GUCY2F: variants seen among roughly 807,000 people sequenced by gnomAD.
GUCY2F encodes guanylate cyclase 2F, retinal, also known as retinal guanylyl cyclase 2.
GUCY2F carries 61 observed loss-of-function variants against 73.1 expected under a neutral mutation model. That is an observed-to-expected ratio of 0.83 (90% CI 0.68 to 1.03). GUCY2F has a LOEUF of 1.03. Among genes scored for constraint, GUCY2F ranks in the 50% least tolerant of loss-of-function variants. GUCY2F has a pLI of 0.00. For synonymous variants in GUCY2F, 331 were observed against 307.8 expected (o/e 1.08, Z -0.79); for missense variants, 912 against 854.3 (o/e 1.07, Z -0.84).
At chrX:109,403,055 T>G (rs1026017899) in intron 10 of GUCY2F, among the ~76,000 whole-genome samples, 2 of 112,435 alleles carry the variant, frequency 1.8e-5, no homozygotes, top group Non-Finnish European at 3.8e-5. Flanking sequence ...TCTATCTTTT[T>G]TTGGGCTGTT....
At position 109,388,472 on chromosome X, in the gene GUCY2F, C is replaced by T; in HGVS notation, c.2956+17G>A. 1 of 1,164,622 alleles carries T rather than the reference C, an allele frequency of 8.6e-7. No homozygotes were observed. Among genetic ancestry groups the T allele is most frequent in the South Asian group, 1.8e-5 (1 of 54,593 alleles). ...AGGCGCATTAGAATGTTTCCTCTTA[C>T]TTTAACTGGTTATTACCTGAGTGAA... On this transcript the variant is annotated intron_variant, in intron 15 of 19. Transcript: ENST00000218006.
At chrX:109,453,925 A>C (rs1302480916) in intron 3 of GUCY2F, 66 bp from the exon 4 acceptor site, 9 of 594,132 alleles carry the variant, frequency 1.5e-5, no homozygotes, top group African/African-American at 2.3e-5. Context: ...AGTATATTCC[A>C]AGCCTGTGTT....
At chrX:109,395,538 C>A (rs753597897) in intron 11 of GUCY2F, 49 bp from the exon 12 acceptor site, 54 of 1,098,172 alleles carry the variant, frequency 4.9e-5, no homozygotes, top group Non-Finnish European at 6.2e-5. Context: ...GAAAAAATGA[C>A]CAAGATTTGG....
intron 17 of GUCY2F, among the ~76,000 whole-genome samples, chrX:109,380,988 T>C (rs1930292572): frequency 8.9e-6 from 1 of 111,789 alleles, no homozygotes; most frequent in African/African-American, 3.3e-5. Context: ...GTCCCCAACA[T>C]TTTACTGTCT....
intron 5 of GUCY2F, among the ~76,000 whole-genome samples, chrX:109,450,734 C>A (rs141087298): frequency 0.012 from 1,307 of 112,025 alleles, 22 homozygotes; most frequent in African/African-American, 0.039. Context: ...CTCTGTGCGA[C>A]TTTATCAAAT....
At chrX:109,462,820 A>C (rs944136556) in intron 3 of GUCY2F, among the ~76,000 whole-genome samples, 2 of 112,059 alleles carry the variant, frequency 1.8e-5, no homozygotes, top group African/African-American at 6.5e-5. Flanking sequence ...CATTGGCTAA[A>C]AAGTACAAAA....
chrX:109,460,887 A>G (rs1420756352), intron 3 of GUCY2F, among the ~76,000 whole-genome samples: 1 of 111,927 alleles, frequency 8.9e-6, no homozygotes, highest in Non-Finnish European at 1.9e-5. Flanking sequence ...TTACAGCCTT[A>G]TCAGAAAGTA....
intron 3 of GUCY2F, among the ~76,000 whole-genome samples, chrX:109,461,836 T>G (rs1395300290): frequency 8.9e-6 from 1 of 112,479 alleles, no homozygotes; most frequent in Non-Finnish European, 1.9e-5. Flanking sequence ...GTGTTCTATC[T>G]TGGGTTCAAC....
In GUCY2F at chrX:109,453,526, C is replaced by T. The variant is rs766775773; in HGVS notation, c.1366G>A (p.Glu456Lys). 8.3e-7 allele frequency: 1 copy of T among 1,200,718 alleles called. No individual in the cohort carries two copies. The highest frequency in any genetic ancestry group is 1.1e-6 in the Non-Finnish European group (1 of 887,120). ...PRADAKCWFAEGKICHGGIDP... is the reference protein window; with the variant it reads ...PRADAKCWFAKGKICHGGIDP... Reference sequence around the variant, plus strand: ...TTACCTCCATGGCAGATCTTCCCTTCTGCAAACCAGCATTTTGCATCTGCT... The same window carrying T: ...TTACCTCCATGGCAGATCTTCCCTTTTGCAAACCAGCATTTTGCATCTGCT... Residue 456 changes from glutamate (E) to lysine (K), a missense_variant, in exon 4 of 20, where the codon GAA becomes AAA. Physicochemically the swap from Glu to Lys is moderately conservative, Grantham distance 56 (BLOSUM62 1). Transcript: ENST00000218006.
intron 16 of GUCY2F, among the ~76,000 whole-genome samples, 196 bp from the exon 17 acceptor site, chrX:109,382,408 G>A (rs963179758): frequency 8.9e-6 from 1 of 112,324 alleles, no homozygotes; most frequent in Non-Finnish European, 1.9e-5. Flanking sequence ...TAAGGCATTA[G>A]TTGTAGCACC....
chrX:109,413,867 T>A (rs997295687), intron 8 of GUCY2F, among the ~76,000 whole-genome samples: 1 of 111,950 alleles, frequency 8.9e-6, no homozygotes, highest in Non-Finnish European at 1.9e-5. Context: ...TATACCTTTA[T>A]GAAAATGTCA....
intron 8 of GUCY2F, among the ~76,000 whole-genome samples, chrX:109,411,160 A>G (rs1258642386): frequency 1.9e-5 from 2 of 108,028 alleles, no homozygotes; most frequent in African/African-American, 6.8e-5. Context: ...GGATGAGGTA[A>G]TAGTGGATAT....
At chrX:109,445,537 G>A (rs1931981619) in intron 6 of GUCY2F, among the ~76,000 whole-genome samples, 1 of 111,832 alleles carries the variant, frequency 8.9e-6, no homozygotes, top group Admixed American at 9.5e-5. Flanking sequence ...ATAAACAAAA[G>A]GAAACAGGTA....
At position 109,441,502 on chromosome X, in the gene GUCY2F, G is replaced by A; in HGVS notation, c.1570-20C>T. 9.0e-7 allele frequency: 1 copy of A among 1,115,833 alleles called. No individual in the cohort carries two copies. Among genetic ancestry groups the A allele is most frequent in the Non-Finnish European group, 1.2e-6 (1 of 839,679 alleles). The allele number at this position is 1,115,833 out of a possible 1,213,427, so 92.0% of individuals were successfully genotyped here. A position where few individuals can be genotyped will look rare whatever the true frequency, so the allele number is the denominator to read the frequency against. ...TCCTCTCTGTGAAAGGATTAGGAAAGAAAAGTTATGACCAAAATACTCATG... is the reference window on the plus strand; with the variant it reads ...TCCTCTCTGTGAAAGGATTAGGAAAAAAAAGTTATGACCAAAATACTCATG... On this transcript the variant is annotated intron_variant, in intron 6 of 19. Transcript: ENST00000218006.
chrX:109,477,898 T>C (rs766197590), intron 1 of GUCY2F, among the ~76,000 whole-genome samples: 9 of 111,843 alleles, frequency 8.0e-5, no homozygotes, highest in Admixed American at 5.7e-4. Flanking sequence ...ACAAATAGTA[T>C]GCCCCAACAT....
At chrX:109,480,676 C>T (rs760407025) in intron 1 of GUCY2F, among the ~76,000 whole-genome samples, 8 of 111,068 alleles carry the variant, frequency 7.2e-5, no homozygotes, top group African/African-American at 2.6e-4. Flanking sequence ...GGCATTCACT[C>T]TCAGTTTTTG....
At chrX:109,375,823 G>A in intron 19 of GUCY2F, 75 bp downstream of exon 19, 7 of 687,747 alleles carry the variant, frequency 1.0e-5, no homozygotes, top group Non-Finnish European at 1.7e-5. Flanking sequence ...GCTGACACTG[G>A]CACGCATGCC....
chrX:109,390,217 G>T (rs1285477911), intron 14 of GUCY2F, among the ~76,000 whole-genome samples: 1 of 111,146 alleles, frequency 9.0e-6, no homozygotes, highest in Non-Finnish European at 1.9e-5. Context: ...GAAAATTGTG[G>T]GTTGTGTCAG....
chrX:109,448,336 C>T (rs951033201), intron 5 of GUCY2F, among the ~76,000 whole-genome samples, 171 bp from the exon 6 acceptor site: 1 of 111,467 alleles, frequency 9.0e-6, no homozygotes. Flanking sequence ...AAGGAAGCAA[C>T]CCTGGCCCGC....
Sources: allele counts gnomAD v4.1 joint callset (sites outside exome capture counted in the v4.1 genomes callset), GRCh38; gene constraint gnomAD v4.1.1; transcripts MANE v1.5; gene names NCBI Gene and HGNC (gene_info 2026-07-23, HGNC 2026-07-21).